Variants in STAM2 observed in about 807,000 individuals in gnomAD.
STAM2 encodes the protein signal transducing adaptor molecule 2, also known as signal transducing adapter molecule 2.
STAM2 carries 51 observed loss-of-function variants against 65.6 expected under a neutral mutation model. The observed-to-expected ratio is 0.78, with a 90% confidence interval of 0.62 to 0.98. STAM2 has a LOEUF of 0.98. Ranked by LOEUF, STAM2 falls within the 50% of genes least tolerant of loss-of-function variation. The pLI is 0.00. For synonymous variants in STAM2, 198 were observed against 208.4 expected, an observed-to-expected ratio of 0.95 and a Z score of 0.43; for missense variants, 584 against 617.8, an observed-to-expected ratio of 0.95 and a Z score of 0.58.
intron 7 of STAM2, among the ~76,000 whole-genome samples, chr2:152,141,076 T>C (rs1344887822): frequency 6.8e-6 from 1 of 148,098 alleles, no homozygotes; most frequent in African/African-American, 2.5e-5. Flanking sequence ...GAGGTGGAGG[T>C]TGCAGTGAGC....
chr2:152,156,261 C>T (rs1424745322), intron 1 of STAM2, among the ~76,000 whole-genome samples: 1 of 152,114 alleles, frequency 6.6e-6, no homozygotes, highest in African/African-American at 2.4e-5. Context: ...AAATATAAGA[C>T]TCACAATTAC....
At chr2:152,126,110 A>C in intron 12 of STAM2, 116 bp downstream of exon 12, 1 of 891,042 alleles carries the variant, frequency 1.1e-6, no homozygotes, top group Non-Finnish European at 1.5e-6. Context: ...ATCAAAGATA[A>C]ATTTTATAAT....
chr2:152,162,070 A>C (rs1689688676), intron 1 of STAM2, among the ~76,000 whole-genome samples: 1 of 152,144 alleles, frequency 6.6e-6, no homozygotes, highest in Non-Finnish European at 1.5e-5. Flanking sequence ...TGATCCACTC[A>C]TCTTGGCCTC....
At chr2:152,152,502 T>C (rs539796891) in intron 1 of STAM2, among the ~76,000 whole-genome samples, 40 of 152,038 alleles carry the variant, frequency 2.6e-4, no homozygotes, top group African/African-American at 7.7e-4. Context: ...TGAGCCAAGA[T>C]TGCGCCACTG....
At chr2:152,171,150 T>C (rs1331391957) in intron 1 of STAM2, among the ~76,000 whole-genome samples, 1 of 152,146 alleles carries the variant, frequency 6.6e-6, no homozygotes, top group Non-Finnish European at 1.5e-5. Context: ...AGTGTTTAAC[T>C]CGGAGAAAGG....
At chr2:152,168,160 C>A (rs1278025551) in intron 1 of STAM2, among the ~76,000 whole-genome samples, 2 of 143,978 alleles carry the variant, frequency 1.4e-5, no homozygotes, top group African/African-American at 5.0e-5. Flanking sequence ...ATATACAAGG[C>A]CTATTTTTTT....
intron 1 of STAM2, among the ~76,000 whole-genome samples, chr2:152,169,583 C>T (rs1301150254): frequency 6.6e-6 from 1 of 151,752 alleles, no homozygotes; most frequent in Non-Finnish European, 1.5e-5. Flanking sequence ...AAAAGTAACC[C>T]AACAGAATAA....
At chr2:152,134,390 A>C (rs1689115599) in intron 8 of STAM2, among the ~76,000 whole-genome samples, 1 of 152,208 alleles carries the variant, frequency 6.6e-6, no homozygotes, top group Non-Finnish European at 1.5e-5. Context: ...TATCTCCAAT[A>C]TTCCTATCTA....
At chr2:152,160,186 G>A (rs1348708525) in intron 1 of STAM2, among the ~76,000 whole-genome samples, 5 of 152,044 alleles carry the variant, frequency 3.3e-5, no homozygotes, top group Admixed American at 2.6e-4. Flanking sequence ...CTGCCTGGCC[G>A]CCCATCATCT....
intron 7 of STAM2, among the ~76,000 whole-genome samples, chr2:152,142,470 A>G (rs181751615): frequency 1.3e-5 from 2 of 152,302 alleles, no homozygotes; most frequent in Non-Finnish European, 2.9e-5. Flanking sequence ...TAAGCCTGAC[A>G]TTTCAGACTG....
chr2:152,140,008 G>A (rs982886671), intron 7 of STAM2, among the ~76,000 whole-genome samples: 2 of 152,160 alleles, frequency 1.3e-5, no homozygotes, highest in Non-Finnish European at 2.9e-5. Context: ...TTATATCGAA[G>A]ACTTGCATCT....
chr2:152,167,731 G>GAA (rs11384182), intron 1 of STAM2, among the ~76,000 whole-genome samples: 25 of 141,818 alleles, frequency 1.8e-4, no homozygotes, highest in African/African-American at 5.8e-4. Context: ...CTCATTTCTA[G>GAA]AAAAAAATAA....
intron 11 of STAM2, among the ~76,000 whole-genome samples, chr2:152,126,837 A>G: frequency 6.6e-6 from 1 of 152,246 alleles, no homozygotes; most frequent in East Asian, 1.9e-4. Flanking sequence ...GTCCACAACC[A>G]ATCAGACTGA....
chr2:152,148,229 A>G lies in STAM2; in HGVS notation c.197T>C (p.Leu66Pro), dbSNP rs773725227. Residue 66 changes from leucine (L) to proline (P), a missense_variant, in exon 3 of 14, where the codon CTA (leucine) becomes CCA (proline). Physicochemically the swap from Leu to Pro is moderately conservative, Grantham distance 98. Coordinates refer to ENST00000263904, the MANE Select transcript of STAM2 (RefSeq NM_005843.6). ...HKVPHVALQALTLLGACVANC... is the reference protein window; with the variant it reads ...HKVPHVALQAPTLLGACVANC... ...AATAACATGCCTTGTACTCACAGTT[A>G]GTGCTTGCAGAGCAACATGTGGAAC... The G allele has an allele frequency of 5.0e-6, 8 of 1,610,160 alleles. No homozygotes were observed.
rs1304278359 is a variant in STAM2, at chr2:152,147,158, T to C, written c.447+4A>G. On this transcript the variant is annotated splice_donor_region_variant and intron_variant, in intron 5 of 13. Transcript: ENST00000263904. ...TCAACCATGGGTCTGAATAAATCTC[T>C]CACCTGAGAACCTGCTGGAGGAAAA... The C allele has an allele frequency of 8.7e-6, 14 of 1,601,536 alleles. No individual in the cohort carries two copies. Among genetic ancestry groups the C allele is most frequent in the African/African-American group, 1.3e-5 (1 of 74,194 alleles).
chr2:152,133,419 G>A lies in STAM2; in HGVS notation c.865C>T (p.Pro289Ser). 1 of 1,612,242 alleles carries A rather than the reference G, an allele frequency of 6.2e-7. No individual in the cohort carries two copies. Among genetic ancestry groups the A allele is most frequent in the East Asian group, 2.2e-5 (1 of 44,760 alleles). ...VEEIKKSEPE[P>S]VYIDEDKMDR... ...GACCCTACCTCATCTATATAAACAG[G>A]CTCAGGCTCTGATTTCTTAATTTCC... is the stretch of plus-strand genomic sequence containing the variant. The change falls in exon 9 of 14, where the codon CCT becomes TCT. Residue 289 changes from proline (P) to serine (S), a missense_variant. Physicochemically the swap from Pro to Ser is moderately conservative, Grantham distance 74 (BLOSUM62 -1). Coordinates refer to ENST00000263904, the MANE Select transcript of STAM2 (RefSeq NM_005843.6).
intron 13 of STAM2, among the ~76,000 whole-genome samples, chr2:152,121,235 A>C (rs1272808918): frequency 6.6e-6 from 1 of 152,186 alleles, no homozygotes; most frequent in African/African-American, 2.4e-5. Context: ...TGGCCTCTCA[A>C]AGCGTTGGGA....
chr2:152,142,895 C>T (rs114819252), intron 7 of STAM2, among the ~76,000 whole-genome samples: 108 of 152,310 alleles, frequency 7.1e-4, no homozygotes, highest in Non-Finnish European at 1.4e-3. Context: ...CTTATCAAAA[C>T]CAATCAAGAT....
chr2:152,160,996 G>A (rs1689662326), intron 1 of STAM2, among the ~76,000 whole-genome samples: 1 of 152,216 alleles, frequency 6.6e-6, no homozygotes, highest in Non-Finnish European at 1.5e-5. Flanking sequence ...TCTGGGAGGT[G>A]TACCCAACAG....
Sources: allele counts gnomAD v4.1 joint callset (sites outside exome capture counted in the v4.1 genomes callset), GRCh38; gene constraint gnomAD v4.1.1; transcripts MANE v1.5; gene names NCBI Gene and HGNC (gene_info 2026-07-23, HGNC 2026-07-21).